ALDH1L2: variants seen among roughly 807,000 people sequenced by gnomAD.
The protein encoded by ALDH1L2 is mitochondrial 10-formyltetrahydrofolate dehydrogenase.
Under a neutral mutation model 111.0 loss-of-function variants are expected in ALDH1L2, and 91 were observed. The ratio of observed to expected loss-of-function variants is 0.82; its 90% confidence interval spans 0.69 to 0.98. ALDH1L2 has a LOEUF of 0.98. Ranked by LOEUF, ALDH1L2 falls within the 50% of genes least tolerant of loss-of-function variation. The pLI is 0.00. For synonymous variants in ALDH1L2, 374 were observed against 392.6 expected, an observed-to-expected ratio of 0.95 and a Z score of 0.56; for missense variants, 995 against 1,126.8, an observed-to-expected ratio of 0.88 and a Z score of 1.67.
intron 9 of ALDH1L2, chr12:105,060,722 G>A (rs954449907): frequency 5.2e-5 from 13 of 252,296 alleles, no homozygotes; most frequent in African/African-American, 2.7e-4. Flanking sequence ...TACTCGGGAG[G>A]CCGAGGCAGG....
chr12:105,082,867 G>A (rs1022696339), intron 1 of ALDH1L2, among the ~76,000 whole-genome samples: 1 of 151,306 alleles, frequency 6.6e-6, no homozygotes, highest in Non-Finnish European at 1.5e-5. Context: ...ACACAGTCCA[G>A]AACATTTTCT....
At chr12:105,065,134 T>G in intron 6 of ALDH1L2, 133 bp downstream of exon 6, 5 of 503,814 alleles carry the variant, frequency 9.9e-6, no homozygotes, top group Middle Eastern at 1.1e-3. Context: ...ACATGCTGAG[T>G]AAAGGGGAGA....
At chr12:105,032,991 T>C (rs1874790347) in intron 19 of ALDH1L2, among the ~76,000 whole-genome samples, 1 of 152,232 alleles carries the variant, frequency 6.6e-6, no homozygotes, top group Non-Finnish European at 1.5e-5. Context: ...TCTCTTCCAC[T>C]CCTCAGTTAT....
At chr12:105,045,054 A>G (rs1372275100) in intron 15 of ALDH1L2, among the ~76,000 whole-genome samples, 1 of 152,132 alleles carries the variant, frequency 6.6e-6, no homozygotes, top group Non-Finnish European at 1.5e-5. Context: ...GACCTCTAGA[A>G]CTTATTCATC....
intron 2 of ALDH1L2, among the ~76,000 whole-genome samples, chr12:105,073,405 T>C (rs1432344735): frequency 9.0e-6 from 1 of 110,854 alleles, no homozygotes; most frequent in Non-Finnish European, 2.2e-5. Context: ...CCATGACAAA[T>C]GGAAAGGGGG....
intron 19 of ALDH1L2, among the ~76,000 whole-genome samples, chr12:105,032,479 T>G (rs966572524): frequency 6.6e-6 from 1 of 152,076 alleles, no homozygotes; most frequent in Non-Finnish European, 1.5e-5. Flanking sequence ...CCTCAGGCAA[T>G]CCACCCGCAT....
Position 105,070,629 on chromosome 12 carries a change from G to A in ALDH1L2, c.369C>T (p.Gly123=), listed in dbSNP as rs147555507. The A allele has an allele frequency of 9.0e-5, 145 of 1,614,088 alleles. No homozygotes were observed. In the African/African-American group the frequency reaches 1.0e-3, roughly 11 times the overall value. Residue 123 remains glycine, a synonymous_variant, in exon 3 of 23, where the codon GGC becomes GGT. Transcript: ENST00000258494. ...GGATGGATGGGTGATAAATGATAGA[G>A]CCGTGCTTTGGACTATCAATTATAT... is the stretch of plus-strand genomic sequence containing the variant. ...PMDIIDSPKH[G]SIIYHPSILP...
chr12:105,060,692 C>T (rs965094616), intron 9 of ALDH1L2: 29 of 218,746 alleles, frequency 1.3e-4, no homozygotes, highest in Admixed American at 7.2e-4. Context: ...GGCGTGGTGG[C>T]GCATGCCTGT....
chr12:105,037,804 G>C (rs1026026143), intron 18 of ALDH1L2, among the ~76,000 whole-genome samples: 3 of 147,662 alleles, frequency 2.0e-5, no homozygotes, highest in Non-Finnish European at 4.5e-5. Flanking sequence ...TCACTCTGTC[G>C]CCCAGGCTGG....
chr12:105,078,874 G>A (rs1312633816), intron 1 of ALDH1L2, among the ~76,000 whole-genome samples: 1 of 152,094 alleles, frequency 6.6e-6, no homozygotes, highest in African/African-American at 2.4e-5. Context: ...CAGAGGGTGC[G>A]GTATTTACAA....
intron 13 of ALDH1L2, chr12:105,047,315 G>T (rs1007934864): frequency 1.8e-5 from 5 of 278,334 alleles, no homozygotes. Context: ...CAAATACTAT[G>T]GTTCCCATTC....
chr12:105,029,247 C>G (rs1165002091), intron 21 of ALDH1L2, among the ~76,000 whole-genome samples: 1 of 152,132 alleles, frequency 6.6e-6, no homozygotes, highest in Non-Finnish European at 1.5e-5. Flanking sequence ...AGGCTGATCT[C>G]AAACTCCTGG....
At position 105,065,671 on chromosome 12, in the gene ALDH1L2, ACT is replaced by A. The variant is rs534552711; in HGVS notation, c.697-317_697-316del. On this transcript the variant is annotated intron_variant, in intron 5 of 22. Transcript: ENST00000258494. ...TTATGTTGGGTTTTTATTAGGTTGA[ACT>A]TTTTTTTGAAGTTCCCACCTCTGTT... 1.7e-3 allele frequency among the ~76,000 whole-genome samples: 258 copies of A among 150,258 alleles called. 2 individuals are homozygous for A. Among genetic ancestry groups the A allele is most frequent in the African/African-American group, 5.8e-3 (236 of 40,892 alleles).
At chr12:105,057,324 T>G (rs1471664293) in intron 10 of ALDH1L2, among the ~76,000 whole-genome samples, 1 of 152,114 alleles carries the variant, frequency 6.6e-6, no homozygotes, top group Non-Finnish European at 1.5e-5. Flanking sequence ...TACATAATGG[T>G]GTAGCCACTT....
Position 105,046,221 on chromosome 12 carries a change from A to ATT in ALDH1L2, c.1863+487_1863+488dup, listed in dbSNP as rs869078154. 1.7e-3 allele frequency among the ~76,000 whole-genome samples: 37 copies of ATT among 21,784 alleles called. 3 individuals are homozygous for ATT. Among genetic ancestry groups the ATT allele is most frequent in the South Asian group, 2.3e-3 (1 of 426 alleles). 14.3% of individuals were successfully genotyped at this position (21,784 alleles called of 152,430 possible). A position where few individuals can be genotyped will look rare whatever the true frequency, so the allele number is the denominator to read the frequency against. ...TATATATATATATATATATATATATATTTTTTTTTTTTTTTTTTTTTTTTT... is the reference window on the plus strand; with the variant it reads ...TATATATATATATATATATATATATATTTTTTTTTTTTTTTTTTTTTTTTTTT... On this transcript the variant is annotated intron_variant, in intron 15 of 22. Coordinates refer to ENST00000258494, the MANE Select transcript of ALDH1L2 (RefSeq NM_001034173.4).
At chr12:105,037,668 A>G (rs1311038158) in intron 18 of ALDH1L2, among the ~76,000 whole-genome samples, 1 of 152,238 alleles carries the variant, frequency 6.6e-6, no homozygotes, top group Non-Finnish European at 1.5e-5. Flanking sequence ...GCATAAAAAC[A>G]ATGGTTTTAA....
In ALDH1L2 at chr12:105,052,876, T is replaced by C; in HGVS notation, c.1343A>G (p.Asn448Ser). 1 of 1,614,126 alleles carries C rather than the reference T, an allele frequency of 6.2e-7. No individual in the cohort carries two copies. The highest frequency in any genetic ancestry group is 8.5e-7 in the Non-Finnish European group (1 of 1,179,962). Reference protein sequence around the residue: ...MVKMPYQCFINGQFTDADDGK... With the variant: ...MVKMPYQCFISGQFTDADDGK... ...ATCGTCTGCATCTGTGAACTGTCCA[T>C]TTATGAAACACTGGTATGGCATTTT... The change falls in exon 11 of 23, where the codon AAT (asparagine) becomes AGT (serine). Residue 448 changes from asparagine to serine, a missense_variant. Transcript: ENST00000258494.
In ALDH1L2 at chr12:105,022,038, G is replaced by C. The variant is rs1285430965; in HGVS notation, c.*2386C>G. 1 of 152,168 alleles carries C rather than the reference G, an allele frequency of 6.6e-6. No homozygotes were observed. The highest frequency in any genetic ancestry group is 1.5e-5 in the Non-Finnish European group (1 of 68,034). The allele number at this position is 152,168 out of a possible 1,614,324, so 9.4% of individuals were successfully genotyped here. ...TAATAAGATCACAGCTTCATCCTTA[G>C]CATTATTAGCAAAATAATCCGTGAT... On this transcript the variant is annotated 3_prime_UTR_variant, in exon 23 of 23. Coordinates refer to ENST00000258494, the MANE Select transcript of ALDH1L2 (RefSeq NM_001034173.4).
chr12:105,073,121 T>C (rs765617220), intron 2 of ALDH1L2, among the ~76,000 whole-genome samples: 16 of 152,370 alleles, frequency 1.1e-4, no homozygotes, highest in Non-Finnish European at 1.8e-4. Flanking sequence ...TGCTTCCTTA[T>C]TATGAACCAG....
Sources: gnomAD v4.1 joint callset for allele counts (sites outside exome capture counted in the v4.1 genomes callset) on GRCh38, gnomAD v4.1.1 for gene constraint, MANE v1.5 for transcripts, NCBI Gene and HGNC (gene_info 2026-07-23, HGNC 2026-07-21) for gene names.